CHD1: variants seen among roughly 807,000 people sequenced by gnomAD.
CHD1 encodes the protein chromodomain helicase DNA binding protein 1, also known as ATP-dependent chromatin remodeler CHD1.
Under a neutral mutation model 224.2 loss-of-function variants are expected in CHD1, and 36 were observed. The observed-to-expected ratio is 0.16, with a 90% CI of 0.12 to 0.21. The LOEUF (loss-of-function observed/expected upper bound fraction) is 0.21, where lower values mean the gene tolerates loss of function less well. CHD1 is among the 10% of genes least tolerant of loss of function. CHD1 has a pLI of 1.00. For synonymous variants in CHD1, 668 were observed against 658.3 expected, an observed-to-expected ratio of 1.01 and a Z score of -0.23; for missense variants, 1,378 against 1,994.8, an observed-to-expected ratio of 0.69 and a Z score of 5.89.
At chr5:98,876,282 AAC>A (rs1255656276) in intron 24 of CHD1, 114 bp downstream of exon 24, 36 of 1,028,372 alleles carry the variant, frequency 3.5e-5, no homozygotes, top group Admixed American at 8.6e-5. Flanking sequence ...CTACTCAAAT[AAC>A]AGATTTGCCT....
At chr5:98,898,457 C>A in intron 9 of CHD1, 23 bp from the exon 10 acceptor site, 1 of 1,503,382 alleles carries the variant, frequency 6.7e-7, no homozygotes, top group South Asian at 1.4e-5. Context: ...CAGGCATTTA[C>A]TTATTTATTT....
intron 17 of CHD1, 58 bp from the exon 18 acceptor site, chr5:98,885,707 T>A: frequency 2.0e-6 from 2 of 980,030 alleles, no homozygotes; most frequent in Non-Finnish European, 3.2e-6. Context: ...ACAAAGCAAT[T>A]AAAATCAATT....
intron 4 of CHD1, 90 bp downstream of exon 4, chr5:98,903,702 A>G (rs540991603): frequency 2.2e-6 from 2 of 900,188 alleles, no homozygotes; most frequent in African/African-American, 3.3e-5. Context: ...CTTTCAAAGC[A>G]CTTATTATTT....
In CHD1 at chr5:98,856,315, T is replaced by C. The variant is rs1748016473; in HGVS notation, c.*65A>G. ...ATATCTTTCAAGTCATGTAAGGCAATTACTGTGTTGGTTTATGATATATGG... is the reference window on the plus strand; with the variant it reads ...ATATCTTTCAAGTCATGTAAGGCAACTACTGTGTTGGTTTATGATATATGG... On this transcript the variant is annotated 3_prime_UTR_variant, in exon 36 of 36. Transcript: ENST00000614616. 8.5e-7 allele frequency: 1 copy of C among 1,170,686 alleles called. No homozygotes were observed. The highest frequency in any genetic ancestry group is 1.2e-6 in the Non-Finnish European group (1 of 800,064). The allele number at this position is 1,170,686 out of a possible 1,614,324, so 72.5% of individuals were successfully genotyped here. A position where few individuals can be genotyped will look rare whatever the true frequency, so the allele number is the denominator to read the frequency against.
Position 98,870,820 on chromosome 5 carries a change from T to TTGC in CHD1, c.3862-18_3862-17insGCA. On this transcript the variant is annotated splice_polypyrimidine_tract_variant and intron_variant, in intron 28 of 35. Transcript: ENST00000614616. Reference sequence around the variant, plus strand: ...TGGAAGAATCTGAAAAAGCAATAAATTTTTTCAGATTGTCTTAATAAATAA... The same window carrying TTGC: ...TGGAAGAATCTGAAAAAGCAATAAATTGCTTTTTCAGATTGTCTTAATAAATAA... 1 of 1,501,274 alleles carries TTGC rather than the reference T, an allele frequency of 6.7e-7. No individual in the cohort carries two copies. Among genetic ancestry groups the TTGC allele is most frequent in the Non-Finnish European group, 9.2e-7 (1 of 1,083,120 alleles). 93.0% of individuals were successfully genotyped at this position (1,501,274 alleles called of 1,614,324 possible). A position where few individuals can be genotyped will look rare whatever the true frequency, so the allele number is the denominator to read the frequency against.
intron 15 of CHD1, among the ~76,000 whole-genome samples, chr5:98,892,262 A>T (rs1374553080): frequency 6.6e-6 from 1 of 152,184 alleles, no homozygotes; most frequent in African/African-American, 2.4e-5. Flanking sequence ...TAAACTCTTT[A>T]TAAGATAACA....
chr5:98,918,946 T>C (rs1752922845), intron 2 of CHD1, among the ~76,000 whole-genome samples: 1 of 152,200 alleles, frequency 6.6e-6, no homozygotes, highest in African/African-American at 2.4e-5. Context: ...TTTACCTCAC[T>C]TGCATGCCCA....
rs771539453 is a variant in CHD1, at chr5:98,858,207, T to C, written c.4760A>G (p.Asp1587Gly). 7.4e-6 allele frequency: 12 copies of C among 1,613,096 alleles called. No homozygotes were observed. The highest frequency in any genetic ancestry group is 1.7e-4 in the Middle Eastern group (1 of 6,058). The change falls in exon 35 of 36, where the codon GAT becomes GGT. Residue 1587 changes from aspartate (D) to glycine (G), a missense_variant. Transcript: ENST00000614616. ...GCTGTCTTGCTTGTAGTGATCCCAA[T>C]CACGATGGTCTTTACCATTACTAAA... The part of the protein sequence containing the change: ...SSFSNGKDHR[D>G]WDHYKQDSRY...
chr5:98,868,766 T>C, intron 30 of CHD1, 131 bp from the exon 31 acceptor site: 1 of 889,934 alleles, frequency 1.1e-6, no homozygotes, highest in Non-Finnish European at 1.6e-6. Flanking sequence ...AATATCCTCA[T>C]CTATTTTAAT....
At chr5:98,888,007 TA>T in intron 17 of CHD1, 80 bp downstream of exon 17, 1 of 903,250 alleles carries the variant, frequency 1.1e-6, no homozygotes, top group Non-Finnish European at 1.6e-6. Flanking sequence ...TAAACACTTA[TA>T]AAATAATTTC....
At chr5:98,924,561 T>C (rs1332986737) in intron 2 of CHD1, among the ~76,000 whole-genome samples, 1 of 152,250 alleles carries the variant, frequency 6.6e-6, no homozygotes, top group Non-Finnish European at 1.5e-5. Context: ...CCAATACTTG[T>C]TCAAGTAATA....
chr5:98,917,299 C>CAAAAAAAAAAAAAAAAAAAAAAAAAATA (rs70984334), intron 2 of CHD1, among the ~76,000 whole-genome samples: 1 of 119,852 alleles, frequency 8.3e-6, no homozygotes, highest in African/African-American at 4.0e-5. Context: ...AACAAAGAAA[C>CAAAAAAAAAAAAAAAAAAAAAAAAAATA]AAAAAAAAAA....
At chr5:98,862,961 T>A (rs1323502441) in intron 32 of CHD1, among the ~76,000 whole-genome samples, 1 of 152,182 alleles carries the variant, frequency 6.6e-6, no homozygotes, top group Non-Finnish European at 1.5e-5. Flanking sequence ...TGCACTACAT[T>A]ACCTTTATTT....
At chr5:98,867,454 A>T (rs1290002555) in intron 31 of CHD1, among the ~76,000 whole-genome samples, 1 of 152,176 alleles carries the variant, frequency 6.6e-6, no homozygotes, top group Non-Finnish European at 1.5e-5. Flanking sequence ...TCACTTTTCT[A>T]GTGAAACATT....
rs774582406 is a variant in CHD1, at chr5:98,899,473, T to C, written c.1085+7A>G. The C allele has an allele frequency of 1.4e-5, 22 of 1,518,568 alleles. No individual in the cohort carries two copies. In the Admixed American group the frequency reaches 2.0e-4, roughly 14 times the overall value. 94.1% of individuals were successfully genotyped at this position (1,518,568 alleles called of 1,614,324 possible). On this transcript the variant is annotated splice_region_variant and intron_variant, in intron 8 of 35. Coordinates refer to ENST00000614616, the MANE Select transcript of CHD1 (RefSeq NM_001270.4). ...TAAAAGAAGTATATGATATACAGCA[T>C]ACTTACCATCTTTTTGTTTCCTGAT...
chr5:98,881,563 G>A (rs1206799412), intron 20 of CHD1, among the ~76,000 whole-genome samples, 188 bp from the exon 21 acceptor site: 2 of 149,944 alleles, frequency 1.3e-5, no homozygotes, highest in African/African-American at 4.9e-5. Flanking sequence ...AGGCTGAAGT[G>A]CACTGGCACA....
chr5:98,879,861 A>G (rs966676032), intron 22 of CHD1, 133 bp from the exon 23 acceptor site: 1 of 579,466 alleles, frequency 1.7e-6, no homozygotes, highest in East Asian at 3.0e-5. Flanking sequence ...TATAACTTCT[A>G]AACAACCTAG....
At chr5:98,877,921 A>C (rs1472952350) in intron 23 of CHD1, among the ~76,000 whole-genome samples, 1 of 152,224 alleles carries the variant, frequency 6.6e-6, no homozygotes, top group Non-Finnish European at 1.5e-5. Flanking sequence ...TTTTCTGTTT[A>C]ACATCAGAGA....
At chr5:98,921,790 A>G (rs959172815) in intron 2 of CHD1, among the ~76,000 whole-genome samples, 2 of 152,228 alleles carry the variant, frequency 1.3e-5, no homozygotes, top group African/African-American at 4.8e-5. Flanking sequence ...TAACTCATAC[A>G]CCATTCTGAT....
Sources: allele counts gnomAD v4.1 joint callset (sites outside exome capture counted in the v4.1 genomes callset), GRCh38; gene constraint gnomAD v4.1.1; transcripts MANE v1.5; gene names NCBI Gene and HGNC (gene_info 2026-07-23, HGNC 2026-07-21).